Variants in ARHGAP42 observed in about 807,000 individuals in gnomAD.
The protein encoded by ARHGAP42 is rho GTPase-activating protein 42.
ARHGAP42 carries 63 observed loss-of-function variants against 125.0 expected under a neutral mutation model. The observed-to-expected ratio is 0.50, with a 90% confidence interval of 0.41 to 0.62. ARHGAP42 has a LOEUF of 0.62. Among genes scored for constraint, ARHGAP42 ranks in the 20% least tolerant of loss-of-function variants. ARHGAP42 has a pLI of 0.00. For missense variants in ARHGAP42, 766 were observed against 1,024.2 expected, an observed-to-expected ratio of 0.75 and a Z score of 3.44; for synonymous variants, 339 against 351.0, an observed-to-expected ratio of 0.97 and a Z score of 0.38.
rs1434697455 is a variant in ARHGAP42 at position 100,739,514 on chromosome 11, CTAATT to C, written c.155-30827_155-30823del. Among the ~76,000 whole-genome samples, 10 of 152,086 alleles carry C rather than the reference CTAATT, an allele frequency of 6.6e-5. 1 individual carries two copies. Among genetic ancestry groups the C allele is most frequent in the Admixed American group, 2.0e-4 (3 of 15,262 alleles). On this transcript the variant is annotated intron_variant, in intron 1 of 23. Coordinates refer to ENST00000298815, the MANE Select transcript of ARHGAP42 (RefSeq NM_152432.4). ...TGTGATTAACTTAGATAAAAATACT[CTAATT>C]TGATTTACTGAAGCAGTCAGGATGA... is the stretch of plus-strand genomic sequence containing the variant.
At chr11:100,897,100 C>G (rs1322342868) in intron 4 of ARHGAP42, among the ~76,000 whole-genome samples, 3 of 152,126 alleles carry the variant, frequency 2.0e-5, no homozygotes, top group Non-Finnish European at 4.4e-5. Flanking sequence ...ATAGGGAATC[C>G]TTTCCCCATT....
chr11:100,770,616 C>T (rs1372354695), intron 2 of ARHGAP42, among the ~76,000 whole-genome samples, 178 bp downstream of exon 2: 1 of 152,186 alleles, frequency 6.6e-6, no homozygotes, highest in East Asian at 1.9e-4. Flanking sequence ...CTCTCTCTGT[C>T]ACCCAGGCTG....
intron 17 of ARHGAP42, 100 bp downstream of exon 17, chr11:100,965,876 T>C: frequency 2.8e-6 from 3 of 1,054,194 alleles, no homozygotes; most frequent in Non-Finnish European, 4.1e-6. Flanking sequence ...ATTGGTATTA[T>C]AATTAGAGTC....
intron 3 of ARHGAP42, among the ~76,000 whole-genome samples, chr11:100,807,194 T>G (rs1479375338): frequency 6.7e-6 from 1 of 150,088 alleles, no homozygotes; most frequent in African/African-American, 2.5e-5. Context: ...ATATACATTT[T>G]CTTTTTTTTT....
intron 4 of ARHGAP42, among the ~76,000 whole-genome samples, chr11:100,872,636 G>C (rs541440236): frequency 2.0e-5 from 3 of 152,182 alleles, no homozygotes; most frequent in African/African-American, 7.2e-5. Context: ...CAGGTGATTT[G>C]TCCGCCTCAG....
At chr11:100,946,642 C>T (rs1868027695) in intron 10 of ARHGAP42, among the ~76,000 whole-genome samples, 1 of 151,890 alleles carries the variant, frequency 6.6e-6, no homozygotes, top group Non-Finnish European at 1.5e-5. Context: ...GTCAGTGGAG[C>T]AGTGGCACAC....
chr11:100,900,102 G>A (rs925658434), intron 4 of ARHGAP42, among the ~76,000 whole-genome samples: 1 of 152,136 alleles, frequency 6.6e-6, no homozygotes, highest in African/African-American at 2.4e-5. Context: ...GGCAGGCCTG[G>A]TGGTGACAAA....
chr11:100,931,796 A>T (rs552128502), intron 6 of ARHGAP42, among the ~76,000 whole-genome samples: 15 of 152,314 alleles, frequency 9.8e-5, no homozygotes, highest in African/African-American at 3.4e-4. Context: ...GATCCAATTT[A>T]AGCTGCAGTT....
intron 3 of ARHGAP42, among the ~76,000 whole-genome samples, chr11:100,852,605 A>G (rs1865229742): frequency 6.6e-6 from 1 of 152,130 alleles, no homozygotes; most frequent in Admixed American, 6.6e-5. Context: ...ACTCTAAGTT[A>G]GGGGTTAGAA....
chr11:100,878,006 G>GAAAAAAAAAAAAAAAAAAAAAAAA (rs35482152), intron 4 of ARHGAP42, among the ~76,000 whole-genome samples: 1 of 64,452 alleles, frequency 1.6e-5, no homozygotes. Flanking sequence ...CTCTGTCCCA[G>GAAAAAAAAAAAAAAAAAAAAAAAA]AAAAAAAAAA....
chr11:100,932,415 A>T (rs765801843), intron 6 of ARHGAP42, among the ~76,000 whole-genome samples: 43 of 152,126 alleles, frequency 2.8e-4, no homozygotes, highest in Non-Finnish European at 5.7e-4. Flanking sequence ...AAATGCTTAA[A>T]TTTTTTTTCC....
chr11:100,979,861 G>A (rs1286219624), intron 22 of ARHGAP42, among the ~76,000 whole-genome samples: 2 of 152,152 alleles, frequency 1.3e-5, no homozygotes, highest in Non-Finnish European at 2.9e-5. Context: ...AATTGAGGCT[G>A]TGAAGGAAAG....
intron 2 of ARHGAP42, among the ~76,000 whole-genome samples, chr11:100,778,356 C>CA (rs537069459): frequency 6.1e-5 from 9 of 147,736 alleles, no homozygotes; most frequent in African/African-American, 1.2e-4. Context: ...TTTGCTGAAT[C>CA]AAAAAAAAAA....
chr11:100,914,987 G>T (rs189138625), intron 5 of ARHGAP42, among the ~76,000 whole-genome samples: 1 of 152,114 alleles, frequency 6.6e-6, no homozygotes, highest in African/African-American at 2.4e-5. Flanking sequence ...ATTTAAAGAT[G>T]TTTAACATTG....
intron 6 of ARHGAP42, among the ~76,000 whole-genome samples, chr11:100,931,558 A>G (rs1178043172): frequency 6.6e-6 from 1 of 152,192 alleles, no homozygotes; most frequent in South Asian, 2.1e-4. Context: ...TATACTGATG[A>G]TGATTTCAAA....
At chr11:100,964,642 AG>A (rs1757698812) in intron 16 of ARHGAP42, among the ~76,000 whole-genome samples, 1 of 152,192 alleles carries the variant, frequency 6.6e-6, no homozygotes, top group Non-Finnish European at 1.5e-5. Flanking sequence ...TGTTAAGTGA[AG>A]CTTTCTTGTT....
In ARHGAP42 at chr11:100,851,964, G is replaced by T. The variant is rs546210851; in HGVS notation, c.313-7590G>T. ...AACACAAGGTCACTTACCCAGTGCA[G>T]GTTGGGAAGAGATGAGCACAAAGGT... On this transcript the variant is annotated intron_variant, in intron 3 of 23. Coordinates refer to ENST00000298815, the MANE Select transcript of ARHGAP42 (RefSeq NM_152432.4). Among the ~76,000 whole-genome samples, 9 of 152,280 alleles carry T rather than the reference G, an allele frequency of 5.9e-5. No individual in the cohort carries two copies. The East Asian group carries it at 1.7e-3, about 29-fold the overall frequency.
intron 3 of ARHGAP42, among the ~76,000 whole-genome samples, chr11:100,845,786 C>A (rs934147799): frequency 6.6e-6 from 1 of 152,030 alleles, no homozygotes; most frequent in African/African-American, 2.4e-5. Context: ...TAATTTTGTA[C>A]CTTAGTAATG....
chr11:100,966,514 TTTTTC>T (rs1366042429), intron 17 of ARHGAP42, among the ~76,000 whole-genome samples: 1 of 152,118 alleles, frequency 6.6e-6, no homozygotes, highest in African/African-American at 2.4e-5. Context: ...AACTCAGTTT[TTTTTC>T]TTTTAAGATC....
Sources: allele counts gnomAD v4.1 joint callset (sites outside exome capture counted in the v4.1 genomes callset), GRCh38; gene constraint gnomAD v4.1.1; transcripts MANE v1.5; gene names NCBI Gene and HGNC (gene_info 2026-07-23, HGNC 2026-07-21).